Variants in DLGAP2 observed in about 807,000 individuals in gnomAD.
The protein encoded by DLGAP2 is DLG associated protein 2.
In DLGAP2, 26 loss-of-function variants were observed where a neutral mutation model predicts 100.3. That is an observed-to-expected ratio of 0.26 (90% CI 0.19 to 0.36). The LOEUF (loss-of-function observed/expected upper bound fraction) is 0.36. Among genes scored for constraint, DLGAP2 ranks in the 10% least tolerant of loss-of-function variants. The pLI is 1.00. For synonymous variants in DLGAP2, 886 were observed against 630.1 expected (o/e 1.41, Z -6.08); for missense variants, 1,858 against 1,453.2 (o/e 1.28, Z -4.53).
At chr8:1,524,652 C>T (rs1563201092) in intron 4 of DLGAP2, among the ~76,000 whole-genome samples, 1 of 152,074 alleles carries the variant, frequency 6.6e-6, no homozygotes, top group Non-Finnish European at 1.5e-5. Flanking sequence ...AAAAATAGAT[C>T]CTGGAGCTCT....
chr8:1,134,536 A>AATTAG (rs397714802), intron 2 of DLGAP2, among the ~76,000 whole-genome samples: 2 of 151,822 alleles, frequency 1.3e-5, no homozygotes, highest in African/African-American at 4.8e-5. Flanking sequence ...ATTTGCATTA[A>AATTAG]TTAATGATAG....
Position 1,655,088 on chromosome 8 carries a change from A to C in DLGAP2, c.1811-13241A>C, listed in dbSNP as rs191749251. 4.6e-5 allele frequency among the ~76,000 whole-genome samples: 7 copies of C among 152,372 alleles called. No homozygotes were observed. The East Asian group carries it at 1.4e-3, about 29-fold the overall frequency. The stretch of plus-strand genomic sequence containing the variant: ...ACTATAATTTCTTGCTAATTAACAC[A>C]TTCAAAATAGACATCTTTGCTGCTA... On this transcript the variant is annotated intron_variant, in intron 8 of 14. Coordinates refer to ENST00000637795, the MANE Select transcript of DLGAP2 (RefSeq NM_001346810.2).
chr8:843,340 G>A (rs1162457650), intron 1 of DLGAP2, among the ~76,000 whole-genome samples: 1 of 152,178 alleles, frequency 6.6e-6, no homozygotes, highest in Non-Finnish European at 1.5e-5. Context: ...TCATCTCAGG[G>A]TGAGAGCCTT....
At chr8:886,339 A>AT (rs1797921588) in intron 1 of DLGAP2, among the ~76,000 whole-genome samples, 1 of 151,164 alleles carries the variant, frequency 6.6e-6, no homozygotes, top group Non-Finnish European at 1.5e-5. Context: ...GGATTTGTTG[A>AT]TTTTTTTCGG....
intron 2 of DLGAP2, among the ~76,000 whole-genome samples, chr8:1,233,419 T>C (rs1563268693): frequency 6.6e-6 from 1 of 152,168 alleles, no homozygotes; most frequent in Non-Finnish European, 1.5e-5. Context: ...GTGCCTGTCT[T>C]AGTAATTATT....
intron 4 of DLGAP2, among the ~76,000 whole-genome samples, chr8:1,520,291 G>C (rs1024332821): frequency 6.6e-6 from 1 of 152,190 alleles, no homozygotes; most frequent in Non-Finnish European, 1.5e-5. Flanking sequence ...GGGGCACACG[G>C]AGGGGAGCGA....
chr8:1,678,861 T>C, intron 12 of DLGAP2: 1 of 464,378 alleles, frequency 2.2e-6, no homozygotes. Flanking sequence ...TCAGGTAAGT[T>C]GAATAGAAAA....
At chr8:1,639,528 C>T (rs1006006815) in intron 8 of DLGAP2, among the ~76,000 whole-genome samples, 7 of 152,318 alleles carry the variant, frequency 4.6e-5, no homozygotes, top group South Asian at 2.1e-4. Context: ...TTCAGCACAG[C>T]GGAGACCCCT....
intron 3 of DLGAP2, among the ~76,000 whole-genome samples, chr8:1,310,837 T>C (rs1048494983): frequency 6.6e-6 from 1 of 152,070 alleles, no homozygotes; most frequent in Non-Finnish European, 1.5e-5. Context: ...TTTGTCAAAG[T>C]AACATTTTAG....
intron 2 of DLGAP2, among the ~76,000 whole-genome samples, chr8:909,351 G>C (rs865900343): frequency 6.6e-6 from 1 of 152,066 alleles, no homozygotes; most frequent in Non-Finnish European, 1.5e-5. Context: ...TCCTGATTCA[G>C]GTGAATCATT....
chr8:1,180,275 G>C (rs73184529), intron 2 of DLGAP2, among the ~76,000 whole-genome samples: 29,304 of 152,192 alleles, frequency 0.19, 3,614 homozygotes, highest in Non-Finnish European at 0.28. Flanking sequence ...CCACATGCCA[G>C]TCAGACGTGG....
chr8:971,642 G>A (rs898862034), intron 2 of DLGAP2, among the ~76,000 whole-genome samples: 6 of 152,196 alleles, frequency 3.9e-5, no homozygotes, highest in African/African-American at 9.7e-5. Flanking sequence ...AGGTTGCTCA[G>A]GTGAAGATCA....
chr8:752,170 T>C (rs1434798887), intron 1 of DLGAP2, among the ~76,000 whole-genome samples: 4 of 152,212 alleles, frequency 2.6e-5, no homozygotes, highest in East Asian at 1.9e-4. Context: ...GCTGAAATCA[T>C]TGGTCTCCCA....
At chr8:1,359,241 C>G (rs754432143) in intron 3 of DLGAP2, among the ~76,000 whole-genome samples, 1 of 152,188 alleles carries the variant, frequency 6.6e-6, no homozygotes, top group Non-Finnish European at 1.5e-5. Context: ...CCTCCCGGGA[C>G]GCATCCCCTT....
intron 6 of DLGAP2, among the ~76,000 whole-genome samples, chr8:1,583,960 C>T (rs1273236749): frequency 6.6e-6 from 1 of 152,044 alleles, no homozygotes; most frequent in Non-Finnish European, 1.5e-5. Flanking sequence ...CTTCCATGCC[C>T]AGCTCTGATT....
chr8:1,043,469 G>A (rs1032171678), intron 2 of DLGAP2, among the ~76,000 whole-genome samples: 6 of 151,882 alleles, frequency 4.0e-5, no homozygotes, highest in Non-Finnish European at 7.4e-5. Flanking sequence ...TGGCTGGTAG[G>A]TGGTGGATGT....
At position 1,536,865 on chromosome 8, in the gene DLGAP2, C is replaced by A. The variant is rs548234399; in HGVS notation, c.173-11761C>A. Among the ~76,000 whole-genome samples, 46 of 152,246 alleles carry A rather than the reference C, an allele frequency of 3.0e-4. No homozygotes were observed. The South Asian group carries it at 6.0e-3, about 20-fold the overall frequency. On this transcript the variant is annotated intron_variant, in intron 4 of 14. Transcript: ENST00000637795. ...TCCCTGTAGGAGGCGCTGGCCAGGCCCAGGAGGCGACATGAGGGCATTCAG... is the reference window on the plus strand; with the variant it reads ...TCCCTGTAGGAGGCGCTGGCCAGGCACAGGAGGCGACATGAGGGCATTCAG...
At chr8:1,438,351 C>T (rs1019161878) in intron 3 of DLGAP2, among the ~76,000 whole-genome samples, 3 of 152,096 alleles carry the variant, frequency 2.0e-5, no homozygotes, top group Admixed American at 6.6e-5. Flanking sequence ...TTACAGTTAG[C>T]GTTTTGGTCT....
chr8:1,304,161 G>C (rs1300843772), intron 3 of DLGAP2, among the ~76,000 whole-genome samples: 1 of 152,234 alleles, frequency 6.6e-6, no homozygotes, highest in Non-Finnish European at 1.5e-5. Flanking sequence ...ATGTTCCATG[G>C]GAGCAGGCCA....
Sources: allele counts gnomAD v4.1 joint callset (sites outside exome capture counted in the v4.1 genomes callset), GRCh38; gene constraint gnomAD v4.1.1; transcripts MANE v1.5; gene names NCBI Gene and HGNC (gene_info 2026-07-23, HGNC 2026-07-21).